Variants in TNFSF13B observed in about 807,000 individuals in gnomAD.
TNFSF13B encodes the protein tumor necrosis factor ligand superfamily member 13B.
TNFSF13B carries 8 observed loss-of-function variants against 29.1 expected under a neutral mutation model. The observed-to-expected ratio is 0.27, with a 90% CI of 0.16 to 0.50. The LOEUF is 0.50. Ranked by LOEUF, TNFSF13B falls within the 20% of genes least tolerant of loss-of-function variation. The probability of loss-of-function intolerance (pLI) is 0.98; values close to 1 mark genes in which losing one functional copy is unlikely to be tolerated. For synonymous variants in TNFSF13B, 125 were observed against 130.8 expected (o/e 0.96, Z 0.30); for missense variants, 248 against 334.9 (o/e 0.74, Z 2.03).
At chr13:108,300,563 AT>A (rs1881592268) in intron 3 of TNFSF13B, among the ~76,000 whole-genome samples, 1 of 152,208 alleles carries the variant, frequency 6.6e-6, no homozygotes, top group African/African-American at 2.4e-5. Flanking sequence ...CTTTGCATAC[AT>A]TATGTCATTT....
rs1881825270 is a variant in TNFSF13B at position 108,307,904 on chromosome 13, A to G, written c.*966A>G. 6.6e-6 allele frequency: 1 copy of G among 152,066 alleles called. No individual in the cohort carries two copies. Among genetic ancestry groups the G allele is most frequent in the South Asian group, 2.1e-4 (1 of 4,832 alleles). 9.4% of individuals were successfully genotyped at this position (152,066 alleles called of 1,614,324 possible). Reference sequence around the variant, plus strand: ...TATTAGCTTTATATTCACTTTATAGAAGTTGAGTTTTAATTAAAATTCTTG... The same window carrying G: ...TATTAGCTTTATATTCACTTTATAGGAGTTGAGTTTTAATTAAAATTCTTG... On this transcript the variant is annotated 3_prime_UTR_variant, in exon 6 of 6. Coordinates refer to ENST00000375887, the MANE Select transcript of TNFSF13B (RefSeq NM_006573.5).
intron 3 of TNFSF13B, among the ~76,000 whole-genome samples, chr13:108,294,334 C>T (rs1446201154): frequency 6.6e-6 from 1 of 151,990 alleles, no homozygotes. Context: ...CGCCTGCCAC[C>T]ACACCCAGCT....
At chr13:108,272,665 G>C (rs1880652086) in intron 2 of TNFSF13B, among the ~76,000 whole-genome samples, 1 of 151,804 alleles carries the variant, frequency 6.6e-6, no homozygotes, top group East Asian at 1.9e-4. Context: ...CCTCATAAGA[G>C]TTGAATCTAT....
intron 3 of TNFSF13B, among the ~76,000 whole-genome samples, chr13:108,289,608 ATAT>A (rs962549966): frequency 3.5e-4 from 51 of 147,712 alleles, no homozygotes; most frequent in African/African-American, 1.1e-3. Flanking sequence ...ATATAATAAT[ATAT>A]TATTATCTTC....
At chr13:108,270,618 T>A (rs553701864) in intron 2 of TNFSF13B, among the ~76,000 whole-genome samples, 194 bp downstream of exon 2, 1 of 152,164 alleles carries the variant, frequency 6.6e-6, no homozygotes, top group East Asian at 1.9e-4. Context: ...GTGTGCTTTT[T>A]CCTCCAATGA....
rs1010439230 is a variant in TNFSF13B, at chr13:108,295,662, C to T, written c.482-7591C>T. Reference sequence around the variant, plus strand: ...TGTTGAGATCTTTTTTTAACATAGGCATTTACAGTTGTACATTTCTTTCTG... The same window carrying T: ...TGTTGAGATCTTTTTTTAACATAGGTATTTACAGTTGTACATTTCTTTCTG... On this transcript the variant is annotated intron_variant, in intron 3 of 5. Transcript: ENST00000375887. Among the ~76,000 whole-genome samples the T allele has an allele frequency of 8.2e-5, 12 of 145,580 alleles. 2 individuals carry two copies. Among genetic ancestry groups the T allele is most frequent in the Non-Finnish European group, 3.0e-5 (2 of 65,650 alleles).
intron 2 of TNFSF13B, among the ~76,000 whole-genome samples, chr13:108,280,725 T>G (rs16972212): frequency 0.022 from 3,289 of 152,232 alleles, 139 homozygotes; most frequent in East Asian, 0.1. Flanking sequence ...GCTTTTTTTT[T>G]TTTTACTCTT....
chr13:108,272,921 A>G (rs1443727019), intron 2 of TNFSF13B, among the ~76,000 whole-genome samples: 1 of 152,132 alleles, frequency 6.6e-6, no homozygotes, highest in Admixed American at 6.5e-5. Context: ...AGAGTAGGAA[A>G]GAAATAACTT....
intron 3 of TNFSF13B, among the ~76,000 whole-genome samples, chr13:108,289,176 A>C (rs1023790565): frequency 6.6e-6 from 1 of 151,658 alleles, no homozygotes; most frequent in Admixed American, 6.6e-5. Context: ...ACCCCCCAAA[A>C]TGCTATAAAT....
chr13:108,293,947 AC>A (rs35591588), intron 3 of TNFSF13B, among the ~76,000 whole-genome samples: 3 of 152,060 alleles, frequency 2.0e-5, no homozygotes, highest in Admixed American at 6.6e-5. Context: ...CAAAGGCACC[AC>A]CCCCTAATAC....
At position 108,280,436 on chromosome 13, in the gene TNFSF13B, A is replaced by T. The variant is rs566909855; in HGVS notation, c.425-6367A>T. ...GATTTAATTGCTGATTGGGGAATTC[A>T]TTAGTAACTTCATACATTCAACTGT... On this transcript the variant is annotated intron_variant, in intron 2 of 5. Coordinates refer to ENST00000375887, the MANE Select transcript of TNFSF13B (RefSeq NM_006573.5). Among the ~76,000 whole-genome samples, 7 of 152,328 alleles carry T rather than the reference A, an allele frequency of 4.6e-5. 1 individual carries two copies. The South Asian group carries it at 1.4e-3, about 32-fold the overall frequency.
chr13:108,293,510 T>G (rs1253528780), intron 3 of TNFSF13B, among the ~76,000 whole-genome samples: 1 of 152,224 alleles, frequency 6.6e-6, no homozygotes, highest in Non-Finnish European at 1.5e-5. Context: ...CTGTACATAA[T>G]ACTGAGTATT....
chr13:108,291,051 A>G (rs1040782814), intron 3 of TNFSF13B, among the ~76,000 whole-genome samples: 1 of 151,722 alleles, frequency 6.6e-6, no homozygotes, highest in Non-Finnish European at 1.5e-5. Flanking sequence ...TTCCATGTTT[A>G]GTCTATGTTT....
chr13:108,274,291 A>G (rs1880699628), intron 2 of TNFSF13B, among the ~76,000 whole-genome samples: 1 of 139,308 alleles, frequency 7.2e-6, no homozygotes, highest in Admixed American at 7.1e-5. Flanking sequence ...ACATATGAAC[A>G]ATACATATGA....
intron 2 of TNFSF13B, among the ~76,000 whole-genome samples, chr13:108,281,793 T>C (rs1282615504): frequency 2.6e-5 from 4 of 152,240 alleles, no homozygotes; most frequent in East Asian, 1.9e-4. Context: ...CCTTATAAAC[T>C]AGCTTCCCTC....
At chr13:108,302,071 C>G (rs1881642462) in intron 3 of TNFSF13B, among the ~76,000 whole-genome samples, 1 of 152,136 alleles carries the variant, frequency 6.6e-6, no homozygotes, top group Non-Finnish European at 1.5e-5. Context: ...TCATCCTGTG[C>G]CCCTCATGAA....
At chr13:108,282,376 T>C (rs1880982734) in intron 2 of TNFSF13B, among the ~76,000 whole-genome samples, 1 of 152,236 alleles carries the variant, frequency 6.6e-6, no homozygotes, top group Admixed American at 6.5e-5. Flanking sequence ...TTTTAATGGA[T>C]TCAGTTCCAG....
At chr13:108,274,745 G>A (rs1566397733) in intron 2 of TNFSF13B, among the ~76,000 whole-genome samples, 1 of 152,054 alleles carries the variant, frequency 6.6e-6, no homozygotes, top group Non-Finnish European at 1.5e-5. Context: ...TTTATTTTCA[G>A]TAAGACTCAA....
intron 3 of TNFSF13B, among the ~76,000 whole-genome samples, chr13:108,291,927 A>G (rs113219982): frequency 0.045 from 6,899 of 152,098 alleles, 197 homozygotes; most frequent in Non-Finnish European, 0.067. Flanking sequence ...GTTAGCGTAG[A>G]CTTCTAAATG....
Sources: allele counts gnomAD v4.1 joint callset (sites outside exome capture counted in the v4.1 genomes callset), GRCh38; gene constraint gnomAD v4.1.1; transcripts MANE v1.5; gene names NCBI Gene and HGNC (gene_info 2026-07-23, HGNC 2026-07-21).